Variants in NCKAP5 observed in about 807,000 individuals in gnomAD.
The protein encoded by NCKAP5 is nck-associated protein 5.
NCKAP5 carries 92 observed loss-of-function variants against 167.0 expected under a neutral mutation model. The observed-to-expected ratio is 0.55, with a 90% CI of 0.47 to 0.66. The LOEUF is 0.66. NCKAP5 is among the 30% of genes least tolerant of loss of function. NCKAP5 has a pLI of 0.00. For missense variants in NCKAP5, 2,378 were observed against 2,315.0 expected, an observed-to-expected ratio of 1.03 and a Z score of -0.56; for synonymous variants, 891 against 877.4, an observed-to-expected ratio of 1.02 and a Z score of -0.27.
chr2:132,732,786 T>C (rs777725135), intron 16 of NCKAP5, among the ~76,000 whole-genome samples: 2 of 152,200 alleles, frequency 1.3e-5, no homozygotes, highest in African/African-American at 2.4e-5. Flanking sequence ...GCATGAATGA[T>C]CACCCATTCA....
At chr2:132,939,457 C>A (rs1351299818) in intron 8 of NCKAP5, among the ~76,000 whole-genome samples, 1 of 152,184 alleles carries the variant, frequency 6.6e-6, no homozygotes, top group Non-Finnish European at 1.5e-5. Context: ...TGCATTCTAG[C>A]CTCCGGGCTT....
intron 3 of NCKAP5, among the ~76,000 whole-genome samples, chr2:133,359,445 T>C (rs1559414588): frequency 6.6e-6 from 1 of 152,208 alleles, no homozygotes; most frequent in Non-Finnish European, 1.5e-5. Flanking sequence ...GTGTGATTTG[T>C]CATGAGGAAA....
At chr2:132,699,821 TTATAATCCTTTGGGTATA>T (rs1687707719) in intron 19 of NCKAP5, among the ~76,000 whole-genome samples, 1 of 152,226 alleles carries the variant, frequency 6.6e-6, no homozygotes, top group South Asian at 2.1e-4. Flanking sequence ...GCAGCATGAT[TTATAATCCTTTGGGTATA>T]TACCCAGTAA....
chr2:132,724,900 T>TA (rs1690296108), intron 19 of NCKAP5, among the ~76,000 whole-genome samples: 1 of 152,110 alleles, frequency 6.6e-6, no homozygotes, highest in Non-Finnish European at 1.5e-5. Flanking sequence ...AAACTTGTTT[T>TA]AAAAAAATAA....
intron 3 of NCKAP5, among the ~76,000 whole-genome samples, chr2:133,462,496 G>A (rs889980409): frequency 6.6e-6 from 1 of 152,100 alleles, no homozygotes; most frequent in African/African-American, 2.4e-5. Context: ...TGGAAAGAAT[G>A]GAATCTCTGG....
At chr2:133,326,418 C>T (rs1682447891) in intron 3 of NCKAP5, among the ~76,000 whole-genome samples, 1 of 144,176 alleles carries the variant, frequency 6.9e-6, no homozygotes, top group African/African-American at 2.6e-5. Flanking sequence ...CACACCACTA[C>T]TGCACTCCAG....
chr2:132,683,187 G>A (rs145014242), intron 19 of NCKAP5, among the ~76,000 whole-genome samples: 2 of 152,136 alleles, frequency 1.3e-5, no homozygotes, highest in East Asian at 3.9e-4. Context: ...CATAAAGATA[G>A]TCTATAGATG....
chr2:133,589,807 T>C, the NCKAP5 span, among the ~76,000 whole-genome samples: 1 of 152,208 alleles, frequency 6.6e-6, no homozygotes, highest in African/African-American at 2.4e-5. Context: ...GTGCCAGGCA[T>C]TGATGGCCTT....
At chr2:133,208,222 C>G (rs2086047810) in intron 5 of NCKAP5, among the ~76,000 whole-genome samples, 2 of 152,044 alleles carry the variant, frequency 1.3e-5, no homozygotes, top group Non-Finnish European at 2.9e-5. Flanking sequence ...ACCTGTAGTT[C>G]CAATTACTCA....
At chr2:133,160,408 C>CTTTTTTTT (rs59557631) in intron 5 of NCKAP5, among the ~76,000 whole-genome samples, 1 of 121,152 alleles carries the variant, frequency 8.3e-6, no homozygotes. Flanking sequence ...AGGTCACATT[C>CTTTTTTTT]TTTTTTTTTT....
At chr2:132,940,809 C>G (rs1017020977) in intron 8 of NCKAP5, among the ~76,000 whole-genome samples, 2 of 151,216 alleles carry the variant, frequency 1.3e-5, no homozygotes, top group African/African-American at 4.9e-5. Context: ...AAAAAGTTAA[C>G]ATTTTGCCAT....
intron 19 of NCKAP5, among the ~76,000 whole-genome samples, chr2:132,684,963 G>T (rs1685744142): frequency 6.6e-6 from 1 of 152,180 alleles, no homozygotes; most frequent in East Asian, 1.9e-4. Flanking sequence ...GACTGTGGGG[G>T]TAACAGGCGG....
intron 19 of NCKAP5, among the ~76,000 whole-genome samples, chr2:132,699,529 T>A (rs557250950): frequency 6.6e-6 from 1 of 152,072 alleles, no homozygotes; most frequent in Non-Finnish European, 1.5e-5. Context: ...CCATCCTGTG[T>A]CCAAGTGTTC....
At chr2:133,057,452 A>C (rs1458801750) in intron 6 of NCKAP5, among the ~76,000 whole-genome samples, 11 of 152,228 alleles carry the variant, frequency 7.2e-5, no homozygotes, top group Admixed American at 7.2e-4. Context: ...TAGAAGTACT[A>C]CTTCAGTGAA....
At chr2:133,572,868 A>G (rs1404588005), upstream of NCKAP5, among the ~76,000 whole-genome samples, 1 of 152,172 alleles carries the variant, frequency 6.6e-6, no homozygotes, top group Non-Finnish European at 1.5e-5. Flanking sequence ...TCTCACACAT[A>G]TGGTCCTCAG....
intron 4 of NCKAP5, among the ~76,000 whole-genome samples, chr2:133,250,022 A>ATTATTATTATTG (rs1314194960): frequency 6.8e-6 from 1 of 147,530 alleles, no homozygotes. Flanking sequence ...TATTATTATT[A>ATTATTATTATTG]TTATTATTAT....
At chr2:133,417,270 T>C (rs548777421) in intron 3 of NCKAP5, among the ~76,000 whole-genome samples, 1 of 152,264 alleles carries the variant, frequency 6.6e-6, no homozygotes, top group East Asian at 1.9e-4. Context: ...GGGCCCAGAA[T>C]GGCCAGCTCT....
chr2:133,352,986 C>T (rs1684470910), intron 3 of NCKAP5, among the ~76,000 whole-genome samples: 1 of 152,180 alleles, frequency 6.6e-6, no homozygotes, highest in Admixed American at 6.5e-5. Flanking sequence ...TTTTGCCAAA[C>T]ATGCAAGCTT....
chr2:132,701,160 C>T (rs1687846995), intron 19 of NCKAP5, among the ~76,000 whole-genome samples: 1 of 151,970 alleles, frequency 6.6e-6, no homozygotes, highest in Admixed American at 6.6e-5. Flanking sequence ...TATAGTTTAA[C>T]CAGGCAGCCT....
Sources: gnomAD v4.1 joint callset for allele counts (sites outside exome capture counted in the v4.1 genomes callset) on GRCh38, gnomAD v4.1.1 for gene constraint, MANE v1.5 for transcripts, NCBI Gene and HGNC (gene_info 2026-07-23, HGNC 2026-07-21) for gene names.